NVL: variants seen among roughly 807,000 people sequenced by gnomAD.
The protein encoded by NVL is nuclear valosin-containing protein-like.
NVL carries 84 observed loss-of-function variants against 110.2 expected under a neutral mutation model. The ratio of observed to expected loss-of-function variants is 0.76; its 90% CI spans 0.64 to 0.91. The LOEUF is 0.91. NVL is among the 40% of genes least tolerant of loss of function. The pLI is 0.00. For missense variants in NVL, 882 were observed against 1,035.9 expected (o/e 0.85, Z 2.04); for synonymous variants, 354 against 361.1 (o/e 0.98, Z 0.22).
intron 2 of NVL, among the ~76,000 whole-genome samples, chr1:224,322,740 G>A (rs1670779150): frequency 6.6e-6 from 1 of 152,160 alleles, no homozygotes; most frequent in Admixed American, 6.5e-5. Context: ...GATTGCCTGA[G>A]CTCAGGAGTT....
intron 19 of NVL, among the ~76,000 whole-genome samples, chr1:224,237,961 CAAAAAAAAAAAAAA>C (rs200152434): frequency 6.9e-4 from 93 of 135,656 alleles, no homozygotes; most frequent in Admixed American, 7.4e-4. Context: ...GACTTGGTTT[CAAAAAAAAAAAAAA>C]AAAAAAAAAA....
intron 19 of NVL, among the ~76,000 whole-genome samples, chr1:224,241,770 C>T (rs1487003925): frequency 6.6e-6 from 1 of 151,270 alleles, no homozygotes; most frequent in Non-Finnish European, 1.5e-5. Flanking sequence ...GCAGGAGAAT[C>T]GCTTGAACCC....
At chr1:224,241,607 G>A (rs1229208252) in intron 19 of NVL, among the ~76,000 whole-genome samples, 1 of 152,152 alleles carries the variant, frequency 6.6e-6, no homozygotes, top group Non-Finnish European at 1.5e-5. Flanking sequence ...TGTAATCTCA[G>A]CACTTTGGGA....
chr1:224,292,219 C>T (rs1667442446), intron 12 of NVL, among the ~76,000 whole-genome samples: 1 of 152,112 alleles, frequency 6.6e-6, no homozygotes, highest in East Asian at 1.9e-4. Flanking sequence ...GCCTGGGCAA[C>T]ATAGTGAGAC....
chr1:224,294,395 A>G lies in NVL; in HGVS notation c.1197T>C (p.Ala399=). Reference sequence around the variant, plus strand: ...CAATAACTAGGACCCGGGCTGTAGCAGCCACATTATTCAGATCTAGTAAGA... The same window carrying G: ...CAATAACTAGGACCCGGGCTGTAGCGGCCACATTATTCAGATCTAGTAAGA... ...LTCMDDLNNV[A]ATARVLVIGA... The change falls in exon 12 of 23, where the codon GCT becomes GCC. Residue 399 remains alanine (A), a synonymous_variant. Coordinates refer to ENST00000281701, the MANE Select transcript of NVL (RefSeq NM_002533.4). 1 of 1,614,188 alleles carries G rather than the reference A, an allele frequency of 6.2e-7. No homozygotes were observed. Among genetic ancestry groups the G allele is most frequent in the Non-Finnish European group, 8.5e-7 (1 of 1,180,048 alleles).
chr1:224,328,064 AT>A (rs1246521517), intron 1 of NVL, among the ~76,000 whole-genome samples: 1 of 151,800 alleles, frequency 6.6e-6, no homozygotes, highest in East Asian at 1.9e-4. Flanking sequence ...GCAAGCTCTG[AT>A]TTCCCCCCCC....
At chr1:224,275,268 A>G (rs186452614) in intron 17 of NVL, 71 bp downstream of exon 17, 1 of 1,570,532 alleles carries the variant, frequency 6.4e-7, no homozygotes, top group African/African-American at 1.4e-5. Flanking sequence ...CATAAGAAAT[A>G]CCTGGCTTGG....
chr1:224,313,143 A>C (rs1168931557), intron 4 of NVL: 1 of 276,866 alleles, frequency 3.6e-6, no homozygotes, highest in South Asian at 3.1e-5. Flanking sequence ...TGGGTGACAG[A>C]GCGAGACGCT....
intron 21 of NVL, 200 bp downstream of exon 21, chr1:224,233,001 G>A: frequency 4.1e-6 from 2 of 490,166 alleles, no homozygotes; most frequent in Non-Finnish European, 3.6e-6. Context: ...TTATTAGAGA[G>A]GTACTAAATA....
At position 224,233,433 on chromosome 1, in the gene NVL, C is replaced by T. The variant is rs934957227; in HGVS notation, c.2367-144G>A. Reference sequence around the variant, plus strand: ...TAAAGATGAGAAATAAATTGATTATCAATCAATAGAAAAGAGCTCTTAGCT... The same window carrying T: ...TAAAGATGAGAAATAAATTGATTATTAATCAATAGAAAAGAGCTCTTAGCT... On this transcript the variant is annotated intron_variant, in intron 20 of 22. Coordinates refer to ENST00000281701, the MANE Select transcript of NVL (RefSeq NM_002533.4). The T allele has an allele frequency of 1.4e-5, 8 of 572,056 alleles. No individual in the cohort carries two copies. In the African/African-American group the frequency reaches 1.5e-4, roughly 11 times the overall value. 35.4% of individuals were successfully genotyped at this position (572,056 alleles called of 1,614,324 possible). A position where few individuals can be genotyped will look rare whatever the true frequency, so the allele number is the denominator to read the frequency against.
intron 15 of NVL, among the ~76,000 whole-genome samples, chr1:224,283,190 T>C (rs1234527053): frequency 1.3e-5 from 2 of 152,150 alleles, no homozygotes; most frequent in Admixed American, 1.3e-4. Flanking sequence ...AGGTCAGATG[T>C]AAGAAATCTG....
At chr1:224,320,961 G>A (rs541795491) in intron 2 of NVL, among the ~76,000 whole-genome samples, 31 of 152,194 alleles carry the variant, frequency 2.0e-4, no homozygotes, top group Non-Finnish European at 3.5e-4. Flanking sequence ...ATTTAAAAAG[G>A]CAACTTGGGG....
At chr1:224,298,102 G>A (rs950457425) in intron 10 of NVL, 1 of 154,968 alleles carries the variant, frequency 6.5e-6, no homozygotes, top group African/African-American at 2.4e-5. Flanking sequence ...TATTTGGGAG[G>A]CTGAGGCAAG....
intron 10 of NVL, among the ~76,000 whole-genome samples, chr1:224,298,036 CAAAAA>C (rs1275028638): frequency 1.5e-5 from 1 of 67,234 alleles, no homozygotes; most frequent in Non-Finnish European, 3.1e-5. Flanking sequence ...TACTCCATCT[CAAAAA>C]AAAAAAAAAA....
chr1:224,254,327 G>A (rs148355936), intron 18 of NVL, among the ~76,000 whole-genome samples: 8,327 of 149,162 alleles, frequency 0.056, 733 homozygotes, highest in African/African-American at 0.19. Flanking sequence ...TCCTGACCTC[G>A]TGATCCACCT....
intron 19 of NVL, among the ~76,000 whole-genome samples, chr1:224,242,576 T>G (rs1311287150): frequency 6.7e-6 from 1 of 149,780 alleles, no homozygotes; most frequent in Non-Finnish European, 1.5e-5. Context: ...CAAGCGATTC[T>G]CCTGCCTCAG....
chr1:224,300,315 A>C (rs1242711156), intron 10 of NVL, among the ~76,000 whole-genome samples: 1 of 152,228 alleles, frequency 6.6e-6, no homozygotes, highest in Admixed American at 6.5e-5. Flanking sequence ...ACAGGGTATG[A>C]CGGCCCAGAA....
chr1:224,245,880 G>A (rs963182931), intron 19 of NVL, among the ~76,000 whole-genome samples: 1 of 151,956 alleles, frequency 6.6e-6, no homozygotes, highest in Non-Finnish European at 1.5e-5. Flanking sequence ...GCCTCCCAAA[G>A]TGCTGGGATT....
intron 18 of NVL, among the ~76,000 whole-genome samples, chr1:224,255,550 A>C (rs144175072): frequency 3.9e-4 from 60 of 152,122 alleles, no homozygotes; most frequent in African/African-American, 1.3e-3. Flanking sequence ...ATTTTCTCCT[A>C]GTCTGTGGTT....
Sources: gnomAD v4.1 joint callset for allele counts (sites outside exome capture counted in the v4.1 genomes callset) on GRCh38, gnomAD v4.1.1 for gene constraint, MANE v1.5 for transcripts, NCBI Gene and HGNC (gene_info 2026-07-23, HGNC 2026-07-21) for gene names.